Variants in NCKAP1 observed in about 807,000 individuals in gnomAD.
The protein encoded by NCKAP1 is nck-associated protein 1.
NCKAP1 carries 21 observed loss-of-function variants against 151.2 expected under a neutral mutation model. That is an observed-to-expected ratio of 0.14 (90% CI 0.10 to 0.20). The LOEUF is 0.20. NCKAP1 is among the 10% of genes least tolerant of loss of function. The pLI is 1.00. For missense variants in NCKAP1, 933 were observed against 1,352.1 expected, an observed-to-expected ratio of 0.69 and a Z score of 4.86; for synonymous variants, 484 against 451.8, an observed-to-expected ratio of 1.07 and a Z score of -0.90.
chr2:183,012,004 A>G (rs72888453), intron 2 of NCKAP1, among the ~76,000 whole-genome samples: 13,749 of 152,270 alleles, frequency 0.09, 749 homozygotes, highest in Non-Finnish European at 0.12. Flanking sequence ...ATACGTGTAC[A>G]GGGAACTCCC....
intron 18 of NCKAP1, among the ~76,000 whole-genome samples, chr2:182,960,957 G>T (rs943591568): frequency 3.5e-4 from 53 of 152,324 alleles, no homozygotes; most frequent in Non-Finnish European, 7.2e-4. Context: ...AGACATTTAT[G>T]CAGCCAAAAG....
Position 182,925,537 on chromosome 2 carries a change from T to C in NCKAP1, c.*165A>G, listed in dbSNP as rs920146261. 1 of 404,628 alleles carries C rather than the reference T, an allele frequency of 2.5e-6. No individual in the cohort carries two copies. The highest frequency in any genetic ancestry group is 4.0e-5 in the Admixed American group (1 of 24,788). 25.1% of individuals were successfully genotyped at this position (404,628 alleles called of 1,614,324 possible). On this transcript the variant is annotated 3_prime_UTR_variant, in exon 31 of 31. Transcript: ENST00000361354. ...TGCAACCTAAATCAACCAAGTATAC[T>C]GTAGTACAACCATATTAAGAAACCA... is the stretch of plus-strand genomic sequence containing the variant.
At chr2:182,925,989 G>A (rs1696636079) in intron 30 of NCKAP1, among the ~76,000 whole-genome samples, 171 bp from the exon 31 acceptor site, 1 of 152,062 alleles carries the variant, frequency 6.6e-6, no homozygotes, top group South Asian at 2.1e-4. Context: ...AATCTAAAAT[G>A]TAAATGTGCC....
intron 2 of NCKAP1, among the ~76,000 whole-genome samples, chr2:183,016,367 T>C (rs1002409409): frequency 6.6e-6 from 1 of 152,236 alleles, no homozygotes; most frequent in African/African-American, 2.4e-5. Context: ...TGAGGAGTTC[T>C]TTTATTTATT....
At position 182,953,296 on chromosome 2, in the gene NCKAP1, G is replaced by A; in HGVS notation, c.2189C>T (p.Thr730Ile). The A allele has an allele frequency of 1.2e-6, 2 of 1,613,552 alleles. No homozygotes were observed. Among genetic ancestry groups the A allele is most frequent in the East Asian group, 2.2e-5 (1 of 44,804 alleles). ...IVGMTMYNQA[T>I]QEIAKPSELL... ...TTCTGAAGGTTTTGCAATTTCCTGT[G>A]TGGCTTGATTATACATAGTCATCCC... The change falls in exon 21 of 31, where the codon ACA becomes ATA. Residue 730 changes from threonine (T) to isoleucine (I), a missense_variant. Coordinates refer to ENST00000361354, the MANE Select transcript of NCKAP1 (RefSeq NM_013436.5).
At chr2:182,950,812 G>A (rs1697198673) in intron 23 of NCKAP1, among the ~76,000 whole-genome samples, 1 of 152,066 alleles carries the variant, frequency 6.6e-6, no homozygotes, top group Non-Finnish European at 1.5e-5. Context: ...TGAAATTCAG[G>A]AAAGTCTAAC....
intron 8 of NCKAP1, among the ~76,000 whole-genome samples, chr2:182,989,923 G>A (rs113595598): frequency 0.031 from 4,639 of 151,798 alleles, 74 homozygotes; most frequent in Middle Eastern, 0.055. Flanking sequence ...CCGGGAGGCC[G>A]AAGTTGCAGT....
At chr2:182,978,094 A>G (rs955962763) in intron 14 of NCKAP1, among the ~76,000 whole-genome samples, 1 of 152,186 alleles carries the variant, frequency 6.6e-6, no homozygotes, top group Non-Finnish European at 1.5e-5. Context: ...AAGTTCCACA[A>G]AATAACTCTA....
rs564688236 is a variant in NCKAP1, at chr2:182,953,039, A to T, written c.2372+74T>A. ...TGATAATATGAATAAGTACTTATTC[A>T]CAAAAAAATTAATTTTCCTAAGTAC... On this transcript the variant is annotated intron_variant, in intron 21 of 30. Transcript: ENST00000361354. 1.1e-5 allele frequency: 16 copies of T among 1,489,462 alleles called. No homozygotes were observed. In the South Asian group the frequency reaches 1.8e-4, roughly 17 times the overall value. The allele number at this position is 1,489,462 out of a possible 1,614,324, so 92.3% of individuals were successfully genotyped here. A position where few individuals can be genotyped will look rare whatever the true frequency, so the allele number is the denominator to read the frequency against.
intron 16 of NCKAP1, among the ~76,000 whole-genome samples, chr2:182,965,870 A>C (rs1344093349): frequency 6.6e-6 from 1 of 152,164 alleles, no homozygotes; most frequent in Non-Finnish European, 1.5e-5. Context: ...TGGGCTCCAC[A>C]TAATCTTAAA....
chr2:183,013,940 T>C (rs1698635603), intron 2 of NCKAP1, among the ~76,000 whole-genome samples: 2 of 152,150 alleles, frequency 1.3e-5, no homozygotes. Context: ...CACTCCCTCA[T>C]ATCTTCAAAT....
At chr2:182,934,905 A>G in intron 25 of NCKAP1, 73 bp from the exon 26 acceptor site, 1 of 682,754 alleles carries the variant, frequency 1.5e-6, no homozygotes, top group East Asian at 3.1e-5. Flanking sequence ...AATATTACCA[A>G]TTGATTAATT....
At chr2:182,968,887 A>G (rs1697629511) in intron 15 of NCKAP1, among the ~76,000 whole-genome samples, 1 of 152,222 alleles carries the variant, frequency 6.6e-6, no homozygotes, top group Admixed American at 6.5e-5. Flanking sequence ...TAGGTGGATG[A>G]TGTTACTATT....
chr2:182,987,441 T>C (rs991444339), intron 9 of NCKAP1, among the ~76,000 whole-genome samples: 3 of 152,174 alleles, frequency 2.0e-5, no homozygotes, highest in Admixed American at 6.5e-5. Flanking sequence ...TTAAACTGGA[T>C]GATCATTCAC....
In NCKAP1 at chr2:183,023,904, G is replaced by A; in HGVS notation, c.121C>T (p.Pro41Ser). The change falls in exon 2 of 31, where the codon CCC becomes TCC. Residue 41 changes from proline to serine, a missense_variant. Pro to Ser is a moderately conservative substitution (Grantham distance 74). Transcript: ENST00000361354. The part of the protein sequence containing the change: ...LYNIKKACGD[P>S]KAKPSYLIDK... ...ATAAGATAGGATGGTTTTGCCTTGG[G>A]GTCTCCACATGCCTATAAAACAACA... The A allele has an allele frequency of 6.2e-7, 1 of 1,608,572 alleles. No individual in the cohort carries two copies. Among genetic ancestry groups the A allele is most frequent in the East Asian group, 2.2e-5 (1 of 44,594 alleles).
intron 8 of NCKAP1, among the ~76,000 whole-genome samples, chr2:182,991,623 C>T (rs1465544027): frequency 6.6e-6 from 1 of 151,164 alleles, no homozygotes; most frequent in Non-Finnish European, 1.5e-5. Context: ...AATTAAACTA[C>T]ACATCAATCT....
chr2:182,931,190 C>T (rs1696755732), intron 26 of NCKAP1, among the ~76,000 whole-genome samples: 2 of 152,012 alleles, frequency 1.3e-5, no homozygotes, highest in Non-Finnish European at 2.9e-5. Flanking sequence ...GGTTCAATGT[C>T]TAATCATATC....
In NCKAP1 at chr2:182,967,248, C is replaced by A. The variant is rs929297407; in HGVS notation, c.1596G>T (p.Met532Ile). The change falls in exon 16 of 31, where the codon ATG becomes ATT. Residue 532 changes from methionine (M) to isoleucine (I), a missense_variant. Transcript: ENST00000361354. ...TGGAGAGATCTGATGTTTCCACCAA[C>A]ATTTCCACCAAGGAATCTACCATTT... ...HTKMVDSLVE[M>I]LVETSDLSIF... The A allele has an allele frequency of 1.2e-5, 20 of 1,610,668 alleles. No homozygotes were observed. Among genetic ancestry groups the A allele is most frequent in the Non-Finnish European group, 1.6e-5 (19 of 1,178,996 alleles).
chr2:183,015,054 A>T (rs944141851), intron 2 of NCKAP1, among the ~76,000 whole-genome samples: 1 of 152,230 alleles, frequency 6.6e-6, no homozygotes, highest in Non-Finnish European at 1.5e-5. Context: ...TATGCTATGG[A>T]ACCCCAGTGT....
Sources: allele counts gnomAD v4.1 joint callset (sites outside exome capture counted in the v4.1 genomes callset), GRCh38; gene constraint gnomAD v4.1.1; transcripts MANE v1.5; gene names NCBI Gene and HGNC (gene_info 2026-07-23, HGNC 2026-07-21).